The following LRP1B variants were observed in gnomAD, a reference collection of about 807,000 sequenced individuals.
LRP1B encodes the protein low-density lipoprotein receptor-related protein 1B.
In LRP1B, 217 loss-of-function variants were observed where a neutral mutation model predicts 556.6. The observed-to-expected ratio is 0.39, with a 90% CI of 0.35 to 0.44. The LOEUF (loss-of-function observed/expected upper bound fraction) is 0.44. Ranked by LOEUF, LRP1B falls within the 20% of genes least tolerant of loss-of-function variation. The pLI is 1.00. For missense variants in LRP1B, 5,053 were observed against 5,620.8 expected, an observed-to-expected ratio of 0.90 and a Z score of 3.23; for synonymous variants, 2,047 against 1,865.8, an observed-to-expected ratio of 1.10 and a Z score of -2.50.
intron 41 of LRP1B, among the ~76,000 whole-genome samples, chr2:140,619,025 C>T (rs1038940984): frequency 2.6e-5 from 4 of 151,644 alleles, no homozygotes; most frequent in Non-Finnish European, 5.9e-5. Flanking sequence ...CGTAACGTGA[C>T]AAACATTTAT....
intron 1 of LRP1B, among the ~76,000 whole-genome samples, chr2:141,868,123 T>C (rs1234598363): frequency 6.6e-6 from 1 of 152,112 alleles, no homozygotes; most frequent in Non-Finnish European, 1.5e-5. Context: ...TTCAAATACT[T>C]CAATTTATAT....
At chr2:141,697,663 C>A (rs927896421) in intron 2 of LRP1B, among the ~76,000 whole-genome samples, 1 of 151,868 alleles carries the variant, frequency 6.6e-6, no homozygotes, top group Non-Finnish European at 1.5e-5. Flanking sequence ...TTTGGTAATG[C>A]TGCATGTAGT....
At chr2:140,886,950 G>A (rs76845087) in intron 23 of LRP1B, among the ~76,000 whole-genome samples, 2,837 of 152,140 alleles carry the variant, frequency 0.019, 81 homozygotes, top group African/African-American at 0.062. Context: ...CTTTGAAAAC[G>A]GATATGAGAT....
At chr2:141,618,401 CA>C (rs953081253) in intron 2 of LRP1B, among the ~76,000 whole-genome samples, 1 of 152,142 alleles carries the variant, frequency 6.6e-6, no homozygotes, top group African/African-American at 2.4e-5. Context: ...CAAGGTCAAT[CA>C]TTTTTTATTA....
intron 2 of LRP1B, among the ~76,000 whole-genome samples, chr2:141,795,875 TATATATATATATATATATATATATA>T (rs1316654935): frequency 2.9e-4 from 20 of 69,954 alleles, no homozygotes; most frequent in Admixed American, 9.4e-4. Flanking sequence ...TATATATATA[TATATATATATATATATATATATATA>T]ATCTTTAAGC....
intron 2 of LRP1B, among the ~76,000 whole-genome samples, chr2:141,761,209 T>C (rs1694532613): frequency 6.6e-6 from 1 of 152,192 alleles, no homozygotes; most frequent in Non-Finnish European, 1.5e-5. Context: ...ATCCAATTTC[T>C]GGCACCTGAG....
In LRP1B at chr2:140,232,981, TTC is replaced by T. The variant is rs748635490; in HGVS notation, c.*203_*204del. ...TGTTGTAAATTGTACTGTAGTGCAG[TTC>T]TTTTTCATAAAAATACCATACAAAT... On this transcript the variant is annotated 3_prime_UTR_variant, in exon 91 of 91. Coordinates refer to ENST00000389484, the MANE Select transcript of LRP1B (RefSeq NM_018557.3). The T allele has an allele frequency of 1.5e-5, 6 of 400,306 alleles. No homozygotes were observed. The highest frequency in any genetic ancestry group is 2.2e-5 in the Non-Finnish European group (5 of 225,744). 24.8% of individuals were successfully genotyped at this position (400,306 alleles called of 1,614,324 possible). A position where few individuals can be genotyped will look rare whatever the true frequency, so the allele number is the denominator to read the frequency against.
At chr2:141,953,983 A>G (rs1701180832) in intron 1 of LRP1B, among the ~76,000 whole-genome samples, 1 of 152,088 alleles carries the variant, frequency 6.6e-6, no homozygotes, top group East Asian at 1.9e-4. Context: ...TTACTTTAAT[A>G]TTTTCTCAAA....
intron 21 of LRP1B, among the ~76,000 whole-genome samples, chr2:140,915,415 G>A (rs1431611708): frequency 2.0e-5 from 3 of 151,922 alleles, no homozygotes; most frequent in Non-Finnish European, 4.4e-5. Context: ...TTGGGAAGCC[G>A]AGGTGGGTGA....
At chr2:140,962,512 C>T (rs1696066266) in intron 18 of LRP1B, among the ~76,000 whole-genome samples, 1 of 152,068 alleles carries the variant, frequency 6.6e-6, no homozygotes, top group Admixed American at 6.6e-5. Context: ...ACTTTAAACC[C>T]TATAGTGTTT....
At chr2:141,210,412 T>C (rs1357356738) in intron 6 of LRP1B, among the ~76,000 whole-genome samples, 1 of 152,206 alleles carries the variant, frequency 6.6e-6, no homozygotes, top group African/African-American at 2.4e-5. Flanking sequence ...TTTCTCTCTT[T>C]TCTTTGTTCA....
intron 1 of LRP1B, among the ~76,000 whole-genome samples, chr2:141,950,633 G>C (rs1430893668): frequency 6.6e-6 from 1 of 152,130 alleles, no homozygotes; most frequent in Non-Finnish European, 1.5e-5. Context: ...TTTGGATAAT[G>C]AAACAAATAT....
intron 2 of LRP1B, among the ~76,000 whole-genome samples, chr2:141,533,751 G>GCACA (rs1684972082): frequency 6.6e-6 from 1 of 152,076 alleles, no homozygotes; most frequent in African/African-American, 2.4e-5. Flanking sequence ...TTGTTACAAT[G>GCACA]CACAGGTCTA....
intron 2 of LRP1B, among the ~76,000 whole-genome samples, chr2:141,781,806 T>A (rs1695264152): frequency 6.6e-6 from 1 of 152,110 alleles, no homozygotes; most frequent in African/African-American, 2.4e-5. Flanking sequence ...GGGAAACCAT[T>A]CTTTCCAACA....
chr2:141,063,637 C>T (rs189591024), intron 7 of LRP1B, among the ~76,000 whole-genome samples: 4 of 151,012 alleles, frequency 2.6e-5, no homozygotes, highest in Non-Finnish European at 5.9e-5. Flanking sequence ...CCCTCCGTCT[C>T]TCTCTCTCTT....
In LRP1B at chr2:141,293,836, T is replaced by C. The variant is rs568022473; in HGVS notation, c.344-39195A>G. ...AAATATGGAACATGTGTATTTCTTA[T>C]AGACACATTCATGTTACTCATATCA... is the stretch of plus-strand genomic sequence containing the variant. On this transcript the variant is annotated intron_variant, in intron 3 of 90. Transcript: ENST00000389484. Among the ~76,000 whole-genome samples the C allele has an allele frequency of 9.9e-5, 15 of 152,242 alleles. No homozygotes were observed. In the South Asian group the frequency reaches 2.9e-3, roughly 29 times the overall value.
chr2:140,613,989 G>T (rs1683171919), intron 41 of LRP1B, among the ~76,000 whole-genome samples: 1 of 152,050 alleles, frequency 6.6e-6, no homozygotes, highest in Non-Finnish European at 1.5e-5. Flanking sequence ...AGAAAAGATA[G>T]GACCTCTGTC....
chr2:141,879,550 G>A (rs7558202), intron 1 of LRP1B, among the ~76,000 whole-genome samples: 131,669 of 151,756 alleles, frequency 0.87, 57,196 homozygotes, highest in East Asian at 1. Context: ...CTTCTATCCA[G>A]GGTTTTTTTT....
intron 1 of LRP1B, among the ~76,000 whole-genome samples, chr2:141,991,311 T>G (rs1702336962): frequency 6.6e-6 from 1 of 152,034 alleles, no homozygotes; most frequent in African/African-American, 2.4e-5. Context: ...CAACAACTAT[T>G]ATGTCATTCA....
Sources: allele counts gnomAD v4.1 joint callset (sites outside exome capture counted in the v4.1 genomes callset), GRCh38; gene constraint gnomAD v4.1.1; transcripts MANE v1.5; gene names NCBI Gene and HGNC (gene_info 2026-07-23, HGNC 2026-07-21).